The following IGFBP4 variants were observed in gnomAD, a reference collection of about 807,000 sequenced individuals.
The protein encoded by IGFBP4 is insulin-like growth factor-binding protein 4.
IGFBP4 carries 9 observed loss-of-function variants against 25.8 expected under a neutral mutation model. That is an observed-to-expected ratio of 0.35 (90% confidence interval 0.21 to 0.61). The LOEUF (loss-of-function observed/expected upper bound fraction) is 0.61. Ranked by LOEUF, IGFBP4 falls within the 20% of genes least tolerant of loss-of-function variation. The pLI, the probability that IGFBP4 is intolerant of heterozygous loss-of-function variation, is 0.77. For synonymous variants in IGFBP4, 153 were observed against 153.9 expected, an observed-to-expected ratio of 0.99 and a Z score of 0.05; for missense variants, 315 against 365.3, an observed-to-expected ratio of 0.86 and a Z score of 1.12.
At chr17:40,454,184 C>G in intron 3 of IGFBP4, 122 bp downstream of exon 3, 1 of 1,377,430 alleles carries the variant, frequency 7.3e-7, no homozygotes. Flanking sequence ...CCAACCCAAC[C>G]CCTTGGAGCC....
At chr17:40,446,500 C>T (rs1394717431) in intron 1 of IGFBP4, among the ~76,000 whole-genome samples, 2 of 152,026 alleles carry the variant, frequency 1.3e-5, no homozygotes, top group Non-Finnish European at 2.9e-5. Context: ...CCTGTAGTCC[C>T]AGCTACTTGG....
chr17:40,445,577 C>A (rs1355599624), intron 1 of IGFBP4, among the ~76,000 whole-genome samples: 1 of 152,244 alleles, frequency 6.6e-6, no homozygotes, highest in East Asian at 1.9e-4. Context: ...CCTCTCTGCC[C>A]TTCCTGCCCC....
At chr17:40,446,178 A>AG (rs1044383603) in intron 1 of IGFBP4, among the ~76,000 whole-genome samples, 1 of 151,234 alleles carries the variant, frequency 6.6e-6, no homozygotes, top group Non-Finnish European at 1.5e-5. Context: ...ACAAAAAAAA[A>AG]AAAAAAAAAA....
Position 40,444,920 on chromosome 17 carries a change from CACACACAGAGACAGAGAGAGAG to C in IGFBP4, c.349+838_349+859del, listed in dbSNP as rs1169128290. Among the ~76,000 whole-genome samples, 466 of 95,548 alleles carry C rather than the reference CACACACAGAGACAGAGAGAGAG, an allele frequency of 4.9e-3. 2 individuals carry two copies. The highest frequency in any genetic ancestry group is 7.8e-3 in the Non-Finnish European group (395 of 50,450). The allele number at this position is 95,548 out of a possible 152,430, so 62.7% of individuals were successfully genotyped here. On this transcript the variant is annotated intron_variant, in intron 1 of 3. Transcript: ENST00000269593. ...ACACACACACACACACACACACACA[CACACACAGAGACAGAGAGAGAG>C]AGAGAGAGAGAGAGAGAGAGAGAGA...
chr17:40,444,879 AGAG>A (rs1281081347), intron 1 of IGFBP4, among the ~76,000 whole-genome samples: 356 of 142,700 alleles, frequency 2.5e-3, no homozygotes, highest in Non-Finnish European at 3.6e-3. Context: ...AGAGAGAGAG[AGAG>A]AAACACACAC....
At position 40,456,531 on chromosome 17, in the gene IGFBP4, A is replaced by T. The variant is rs769404053; in HGVS notation, c.725A>T (p.Glu242Val). 6.2e-7 allele frequency: 1 copy of T among 1,613,580 alleles called. No individual in the cohort carries two copies. Among genetic ancestry groups the T allele is most frequent in the South Asian group, 1.1e-5 (1 of 91,058 alleles). ...KTGVKLPGGL[E>V]PKGELDCHQL... ...GGGGTGAAGCTTCCGGGGGGCCTGG[A>T]GCCAAAGGGGGAGCTGGACTGCCAC... Residue 242 changes from glutamate (E) to valine (V), a missense_variant, in exon 4 of 4, where the codon GAG (glutamate) becomes GTG (valine). By Grantham distance (121) the Glu-to-Val change is moderately radical (BLOSUM62 -2). Coordinates refer to ENST00000269593, the MANE Select transcript of IGFBP4 (RefSeq NM_001552.3).
rs755851950 is a variant in IGFBP4, at chr17:40,452,972, T to C, written c.350-13T>C. The C allele has an allele frequency of 1.3e-6, 2 of 1,498,882 alleles. No individual in the cohort carries two copies. Among genetic ancestry groups the C allele is most frequent in the Non-Finnish European group, 1.8e-6 (2 of 1,114,954 alleles). 92.8% of individuals were successfully genotyped at this position (1,498,882 alleles called of 1,614,324 possible). On this transcript the variant is annotated splice_polypyrimidine_tract_variant and intron_variant, in intron 1 of 3. Transcript: ENST00000269593. ...TCCGGTGCTGACCTCTCCTTATCGC[T>C]ACCTGAATACAGACAAGGACGAGGG...
intron 1 of IGFBP4, among the ~76,000 whole-genome samples, chr17:40,444,874 GA>G (rs2035631975): frequency 6.8e-6 from 1 of 146,624 alleles, no homozygotes; most frequent in Non-Finnish European, 1.5e-5. Flanking sequence ...GAGAGAGAGA[GA>G]GAGAGAGAAA....
chr17:40,447,594 G>A (rs776628381), intron 1 of IGFBP4, among the ~76,000 whole-genome samples: 5 of 152,120 alleles, frequency 3.3e-5, no homozygotes, highest in East Asian at 1.9e-4. Context: ...GAGCATGGCC[G>A]CTTCCCATTT....
chr17:40,450,614 T>C (rs997972711), intron 1 of IGFBP4, among the ~76,000 whole-genome samples: 6 of 152,136 alleles, frequency 3.9e-5, no homozygotes, highest in African/African-American at 1.2e-4. Context: ...CATAGCTCAC[T>C]GTAGCCTTGA....
chr17:40,444,140 T>C, intron 1 of IGFBP4, 56 bp downstream of exon 1: 1 of 1,348,104 alleles, frequency 7.4e-7, no homozygotes, highest in Non-Finnish European at 1.0e-6. Flanking sequence ...TCCCAGCGGC[T>C]TCTTCCCCAT....
At chr17:40,454,161 A>G (rs1887293715) in intron 3 of IGFBP4, 99 bp downstream of exon 3, 1 of 1,479,374 alleles carries the variant, frequency 6.8e-7, no homozygotes, top group Non-Finnish European at 9.0e-7. Context: ...CAGGAAGGGG[A>G]AACTCCTCAA....
Position 40,453,225 on chromosome 17 carries a change from C to G in IGFBP4, c.507+83C>G, listed in dbSNP as rs1048332928. ...CCTGCCCCCCACATGCACGCACCCA[C>G]ACACACCATCACCACCAGATCTGGG... On this transcript the variant is annotated intron_variant, in intron 2 of 3. Transcript: ENST00000269593. The surrounding 1 kb of genome is among the most constrained non-coding windows in gnomAD (Gnocchi z 4.0). The G allele has an allele frequency of 1.2e-5, 12 of 1,012,952 alleles. No homozygotes were observed. Among genetic ancestry groups the G allele is most frequent in the Non-Finnish European group, 1.4e-5 (10 of 738,418 alleles). The allele number at this position is 1,012,952 out of a possible 1,614,324, so 62.7% of individuals were successfully genotyped here. A position where few individuals can be genotyped will look rare whatever the true frequency, so the allele number is the denominator to read the frequency against.
chr17:40,456,306 CAA>C, intron 3 of IGFBP4, 141 bp from the exon 4 acceptor site: 1 of 735,696 alleles, frequency 1.4e-6, no homozygotes, highest in Non-Finnish European at 2.2e-6. Context: ...GACCCATGCT[CAA>C]AAAAGAGTCA....
chr17:40,453,666 A>G lies in IGFBP4; in HGVS notation c.508-262A>G, dbSNP rs1366080222. The stretch of plus-strand genomic sequence containing the variant: ...CCTGGCTTTCTGCATAGGTTCCCAC[A>G]GCCCCTTTCCCCACAGTGTCCCCTC... On this transcript the variant is annotated intron_variant, in intron 2 of 3. Transcript: ENST00000269593. The surrounding 1 kb of genome is among the most constrained non-coding windows in gnomAD (Gnocchi z 4.0). Among the ~76,000 whole-genome samples, 1 of 152,002 alleles carries G rather than the reference A, an allele frequency of 6.6e-6. No homozygotes were observed. Among genetic ancestry groups the G allele is most frequent in the Non-Finnish European group, 1.5e-5 (1 of 67,986 alleles).
chr17:40,449,036 C>A (rs1008798461), intron 1 of IGFBP4, among the ~76,000 whole-genome samples: 1 of 152,106 alleles, frequency 6.6e-6, no homozygotes, highest in African/African-American at 2.4e-5. Flanking sequence ...AGCTACTCTC[C>A]CTATCTGGTG....
chr17:40,457,402 A>G lies in IGFBP4; in HGVS notation c.*819A>G, dbSNP rs2035721493. The G allele has an allele frequency of 6.6e-6, 1 of 152,244 alleles. No individual in the cohort carries two copies. The highest frequency in any genetic ancestry group is 1.5e-5 in the Non-Finnish European group (1 of 68,110). 9.4% of individuals were successfully genotyped at this position (152,244 alleles called of 1,614,324 possible). A position where few individuals can be genotyped will look rare whatever the true frequency, so the allele number is the denominator to read the frequency against. On this transcript the variant is annotated 3_prime_UTR_variant, in exon 4 of 4. Transcript: ENST00000269593. ...CAGTCAGGGTGGGAAGAAAGAATGC[A>G]AGAGTGGACTGAATGTGCCTAATGG...
At chr17:40,456,341 A>G in intron 3 of IGFBP4, 108 bp from the exon 4 acceptor site, 1 of 1,144,912 alleles carries the variant, frequency 8.7e-7, no homozygotes, top group South Asian at 1.4e-5. Flanking sequence ...GCCATCTTGA[A>G]GCAGCGACCG....
At chr17:40,455,331 AT>A (rs10305305) in intron 3 of IGFBP4, among the ~76,000 whole-genome samples, 102 of 148,428 alleles carry the variant, frequency 6.9e-4, no homozygotes, top group Non-Finnish European at 1.1e-3. Context: ...TCTTCTCCTG[AT>A]TTTTTTTTTA....
Sources: allele counts gnomAD v4.1 joint callset (sites outside exome capture counted in the v4.1 genomes callset), GRCh38; gene constraint gnomAD v4.1.1; non-coding constraint Gnocchi (gnomAD v3.1); transcripts MANE v1.5; gene names NCBI Gene and HGNC (gene_info 2026-07-23, HGNC 2026-07-21).